Variants in TACC2 observed in about 807,000 individuals in gnomAD.
The protein encoded by TACC2 is transforming acidic coiled-coil containing protein 2.
TACC2 carries 137 observed loss-of-function variants against 227.3 expected under a neutral mutation model. The observed-to-expected ratio is 0.60, with a 90% CI of 0.52 to 0.69. The LOEUF (loss-of-function observed/expected upper bound fraction) is 0.69. Among genes scored for constraint, TACC2 ranks in the 30% least tolerant of loss-of-function variants. TACC2 has a pLI of 0.00. For missense variants in TACC2, 3,470 were observed against 3,694.4 expected (o/e 0.94, Z 1.57); for synonymous variants, 1,523 against 1,487.5 (o/e 1.02, Z -0.55).
chr10:122,059,469 G>A (rs898432369), intron 3 of TACC2, among the ~76,000 whole-genome samples: 1 of 152,092 alleles, frequency 6.6e-6, no homozygotes, highest in African/African-American at 2.4e-5. Context: ...CACTGACCAG[G>A]GTTTACCCCC....
intron 5 of TACC2, among the ~76,000 whole-genome samples, chr10:122,089,872 A>G (rs1390380451): frequency 6.6e-6 from 1 of 152,182 alleles, no homozygotes; most frequent in Non-Finnish European, 1.5e-5. Context: ...CTCTGAGCCA[A>G]TGTGGATGTG....
chr10:122,127,848 C>A (rs1323896734), intron 5 of TACC2, among the ~76,000 whole-genome samples: 5 of 152,192 alleles, frequency 3.3e-5, no homozygotes, highest in Non-Finnish European at 7.3e-5. Flanking sequence ...TTCTTTGTAG[C>A]AGTTTCATAT....
chr10:122,177,767 C>T (rs993842138), intron 7 of TACC2, among the ~76,000 whole-genome samples: 4 of 151,954 alleles, frequency 2.6e-5, no homozygotes, highest in African/African-American at 4.8e-5. Flanking sequence ...TGTACAGGGG[C>T]GAAACTTGGG....
At chr10:122,138,144 G>T (rs988598918) in intron 6 of TACC2, among the ~76,000 whole-genome samples, 3 of 151,600 alleles carry the variant, frequency 2.0e-5, no homozygotes, top group Non-Finnish European at 4.4e-5. Flanking sequence ...TCCCTCTATG[G>T]GTATGCATAA....
chr10:122,090,926 A>G (rs1202208845), intron 5 of TACC2, among the ~76,000 whole-genome samples: 2 of 152,022 alleles, frequency 1.3e-5, no homozygotes, highest in African/African-American at 4.8e-5. Flanking sequence ...TTTTTTGTAG[A>G]GATGGGGTTT....
intron 8 of TACC2, among the ~76,000 whole-genome samples, chr10:122,198,791 G>A (rs143185248): frequency 0.031 from 4,650 of 152,296 alleles, 210 homozygotes; most frequent in Non-Finnish European, 0.035. Flanking sequence ...GCCTAGCCTG[G>A]GGCAGGCCCT....
intron 6 of TACC2, among the ~76,000 whole-genome samples, chr10:122,135,887 T>C (rs1297469626): frequency 6.6e-6 from 1 of 152,210 alleles, no homozygotes; most frequent in Non-Finnish European, 1.5e-5. Context: ...TGTTGTGCTT[T>C]TCCTTGGTGA....
intron 7 of TACC2, among the ~76,000 whole-genome samples, chr10:122,172,342 C>G (rs1182712802): frequency 6.6e-6 from 1 of 152,136 alleles, no homozygotes; most frequent in African/African-American, 2.4e-5. Context: ...TGCTGCCCAC[C>G]CAGGAGGAGC....
At chr10:122,238,703 G>A (rs1469982573) in intron 18 of TACC2, among the ~76,000 whole-genome samples, 3 of 151,998 alleles carry the variant, frequency 2.0e-5, no homozygotes, top group East Asian at 3.9e-4. Context: ...CACCCGCCTC[G>A]GCCTCCCAAA....
At position 122,082,798 on chromosome 10, in the gene TACC2, C is replaced by G; in HGVS notation, c.298C>G (p.Pro100Ala). The G allele has an allele frequency of 6.2e-7, 1 of 1,613,850 alleles. No homozygotes were observed. Among genetic ancestry groups the G allele is most frequent in the Non-Finnish European group, 8.5e-7 (1 of 1,180,026 alleles). ...PEGSLLPSPP[P>A]SQEREHPSSS... is the part of the protein sequence containing the mutation. Reference sequence around the variant, plus strand: ...AGGTTCTTTGCTGCCCAGCCCACCACCGTCCCAGGAGCGAGAGCACCCCTC... The same window carrying G: ...AGGTTCTTTGCTGCCCAGCCCACCAGCGTCCCAGGAGCGAGAGCACCCCTC... The change falls in exon 4 of 23, where the codon CCG becomes GCG. Residue 100 changes from proline (P) to alanine (A), a missense_variant. Physicochemically the swap from Pro to Ala is conservative, Grantham distance 27. Coordinates refer to ENST00000369005, the MANE Select transcript of TACC2 (RefSeq NM_206862.4).
At chr10:122,044,680 GA>G (rs775015912) in intron 2 of TACC2, among the ~76,000 whole-genome samples, 3 of 130,136 alleles carry the variant, frequency 2.3e-5, no homozygotes, top group Non-Finnish European at 3.3e-5. Context: ...GAGGTAAGTG[GA>G]ATTTTTTTTT....
chr10:122,253,966 A>G (rs745665222), intron 22 of TACC2, 25 bp from the exon 23 acceptor site: 8 of 1,610,244 alleles, frequency 5.0e-6, no homozygotes, highest in Admixed American at 3.3e-5. Context: ...AACATCAGCA[A>G]CTTCTTCCTT....
At chr10:122,146,193 G>A (rs117749435) in intron 7 of TACC2, among the ~76,000 whole-genome samples, 5 of 152,242 alleles carry the variant, frequency 3.3e-5, no homozygotes, top group Non-Finnish European at 5.9e-5. Flanking sequence ...GTGGGTTTAT[G>A]TGTGGGCTGG....
intron 7 of TACC2, among the ~76,000 whole-genome samples, chr10:122,170,893 C>T (rs1250533130): frequency 9.9e-5 from 15 of 152,132 alleles, no homozygotes; most frequent in African/African-American, 9.7e-5. Flanking sequence ...TCTTCTGCTC[C>T]GTCCCTTGGC....
At chr10:122,098,875 G>A (rs915698276) in intron 5 of TACC2, among the ~76,000 whole-genome samples, 2 of 152,154 alleles carry the variant, frequency 1.3e-5, no homozygotes, top group African/African-American at 4.8e-5. Context: ...CCCAATGGGG[G>A]TGGCTCTCCG....
intron 7 of TACC2, among the ~76,000 whole-genome samples, chr10:122,171,577 A>G (rs1431489921): frequency 6.6e-6 from 1 of 152,246 alleles, no homozygotes; most frequent in African/African-American, 2.4e-5. Context: ...AGAGGGTTTA[A>G]ATCCCCCAGC....
intron 3 of TACC2, among the ~76,000 whole-genome samples, chr10:122,077,759 G>A (rs1280065764): frequency 1.3e-5 from 2 of 152,230 alleles, no homozygotes; most frequent in Non-Finnish European, 1.5e-5. Flanking sequence ...GGGAGGCAGC[G>A]CCACAGGGCT....
rs1355443115 is a variant in TACC2 at position 122,085,130 on chromosome 10, T to C, written c.2630T>C (p.Val877Ala). 6.2e-7 allele frequency: 1 copy of C among 1,614,032 alleles called. No homozygotes were observed. Among genetic ancestry groups the C allele is most frequent in the East Asian group, 2.2e-5 (1 of 44,894 alleles). The change falls in exon 4 of 23, where the codon GTA becomes GCA. Residue 877 changes from valine to alanine, a missense_variant. Val to Ala is a moderately conservative substitution (Grantham distance 64, BLOSUM62 0). Around this residue, in one of 10 missense-constraint regions of TACC2, gnomAD observed 1,924 missense variants for 1,978.3 expected, o/e 0.97. Coordinates refer to ENST00000369005, the MANE Select transcript of TACC2 (RefSeq NM_206862.4). Reference protein sequence around the residue: ...DQGADSSQIHVPVEPQEDNNL... With the variant: ...DQGADSSQIHAPVEPQEDNNL... The stretch of plus-strand genomic sequence containing the variant: ...GGAGCAGATTCTTCCCAAATCCATG[T>C]ACCTGTGGAACCTCAGGAAGATAAC...
At chr10:122,082,066 A>G (rs1412472841) in intron 3 of TACC2, among the ~76,000 whole-genome samples, 1 of 139,994 alleles carries the variant, frequency 7.1e-6, no homozygotes, top group East Asian at 2.0e-4. Context: ...CTATAATTCC[A>G]GCACTTTGGG....
Sources: gnomAD v4.1 joint callset for allele counts (sites outside exome capture counted in the v4.1 genomes callset) on GRCh38, gnomAD v4.1.1 for gene constraint, gnomAD v4.1.1 regional missense constraint, MANE v1.5 for transcripts, NCBI Gene and HGNC (gene_info 2026-07-23, HGNC 2026-07-21) for gene names.